PLXNA4: variants seen among roughly 807,000 people sequenced by gnomAD.
The protein encoded by PLXNA4 is plexin A4.
A neutral mutation model predicts 191.8 loss-of-function variants in PLXNA4; 44 were observed. That is an observed-to-expected ratio of 0.23 (90% CI 0.18 to 0.29). PLXNA4 has a LOEUF of 0.29. Ranked by LOEUF, PLXNA4 falls within the 10% of genes least tolerant of loss-of-function variation. The pLI, the probability that PLXNA4 is intolerant of heterozygous loss-of-function variation, is 1.00. For synonymous variants in PLXNA4, 1,082 were observed against 1,009.5 expected, an observed-to-expected ratio of 1.07 and a Z score of -1.36; for missense variants, 1,800 against 2,488.8, an observed-to-expected ratio of 0.72 and a Z score of 5.89.
intron 20 of PLXNA4, among the ~76,000 whole-genome samples, chr7:132,175,740 G>A (rs1284391698): frequency 6.6e-6 from 1 of 152,152 alleles, no homozygotes; most frequent in African/African-American, 2.4e-5. Context: ...CTGCCACAGG[G>A]GTACTCAGGG....
intron 3 of PLXNA4, among the ~76,000 whole-genome samples, chr7:132,474,728 A>G (rs902301589): frequency 5.3e-5 from 8 of 152,018 alleles, no homozygotes; most frequent in African/African-American, 1.7e-4. Flanking sequence ...GCAGAGCCCC[A>G]CCTCTGGAGA....
At chr7:132,162,646 C>A (rs1795984412) in intron 24 of PLXNA4, among the ~76,000 whole-genome samples, 1 of 151,948 alleles carries the variant, frequency 6.6e-6, no homozygotes. Context: ...AAGGGTTTTC[C>A]CCCTCTTTTC....
chr7:132,478,201 G>T (rs2117459797), intron 3 of PLXNA4, among the ~76,000 whole-genome samples: 2 of 152,314 alleles, frequency 1.3e-5, no homozygotes, highest in Middle Eastern at 3.4e-3. Context: ...CTGGATCTAA[G>T]AAAGACTCAT....
chr7:132,457,683 A>G (rs750179011), intron 3 of PLXNA4, among the ~76,000 whole-genome samples: 12 of 152,266 alleles, frequency 7.9e-5, no homozygotes, highest in Non-Finnish European at 1.2e-4. Flanking sequence ...ACCCTAAATT[A>G]TCTGGTAGGT....
At chr7:132,641,775 A>G (rs955884930) in intron 2 of PLXNA4, among the ~76,000 whole-genome samples, 1 of 152,108 alleles carries the variant, frequency 6.6e-6, no homozygotes, top group Non-Finnish European at 1.5e-5. Flanking sequence ...TATAAACTAA[A>G]CCCCAGATAT....
At position 132,394,042 on chromosome 7, in the gene PLXNA4, T is replaced by C. The variant is rs61374025; in HGVS notation, c.1371+95250A>G. ...CTCTGCCTGACCTTCCCCAATCCTC[T>C]GACAGCCTGGGAGTTTGCCTGGCTA... On this transcript the variant is annotated intron_variant, in intron 3 of 31. Coordinates refer to ENST00000321063, the MANE Select transcript of PLXNA4 (RefSeq NM_020911.2). Among the ~76,000 whole-genome samples, 1,323 of 151,478 alleles carry C rather than the reference T, an allele frequency of 8.7e-3. 25 individuals carry two copies. The highest frequency in any genetic ancestry group is 0.031 in the African/African-American group (1,268 of 41,236).
In PLXNA4 at chr7:132,508,455, A is replaced by T. The variant is rs1798574946; in HGVS notation, c.239T>A (p.Val80Asp). 1 of 1,614,026 alleles carries T rather than the reference A, an allele frequency of 6.2e-7. No homozygotes were observed. Among genetic ancestry groups the T allele is most frequent in the Non-Finnish European group, 8.5e-7 (1 of 1,180,036 alleles). Residue 80 changes from valine (V) to aspartate (D), a missense_variant, in exon 2 of 32, where the codon GTC (valine) becomes GAC (aspartate). By Grantham distance (152) the Val-to-Asp change is radical. This residue lies in a region of PLXNA4 where 1,397 missense variants were observed against 1,880.4 expected (regional missense o/e 0.74). Coordinates refer to ENST00000321063, the MANE Select transcript of PLXNA4 (RefSeq NM_020911.2). The surrounding 1 kb of genome is among the most constrained non-coding windows in gnomAD (Gnocchi z 4.4). Reference sequence around the variant, plus strand: ...CGGCCCTGTCTCATGCGTCACCAAGACCTTCAGGTCGCTGGAGAGCTTGTA... The same window carrying T: ...CGGCCCTGTCTCATGCGTCACCAAGTCCTTCAGGTCGCTGGAGAGCTTGTA... Reference protein sequence around the residue: ...RIYKLSSDLKVLVTHETGPDE... With the variant: ...RIYKLSSDLKDLVTHETGPDE...
intron 1 of PLXNA4, among the ~76,000 whole-genome samples, chr7:132,512,477 C>T (rs1798759412): frequency 6.6e-6 from 1 of 152,154 alleles, no homozygotes; most frequent in Non-Finnish European, 1.5e-5. Context: ...GATTACTACA[C>T]CCAGAGAGGA....
At chr7:132,483,083 C>T (rs1299680737) in intron 3 of PLXNA4, among the ~76,000 whole-genome samples, 1 of 152,138 alleles carries the variant, frequency 6.6e-6, no homozygotes, top group East Asian at 1.9e-4. Context: ...AATAAGCAAG[C>T]CCAGTGGACA....
At chr7:132,385,114 C>G in intron 3 of PLXNA4, 1 of 1,583,920 alleles carries the variant, frequency 6.3e-7, no homozygotes, top group Non-Finnish European at 8.6e-7. Context: ...GTAGATGTGT[C>G]TCATCTGTTT....
Position 132,259,821 on chromosome 7 carries a change from A to G in PLXNA4, c.1504-18655T>C, listed in dbSNP as rs952142517. Among the ~76,000 whole-genome samples the G allele has an allele frequency of 3.9e-5, 6 of 152,350 alleles. No individual in the cohort carries two copies. The South Asian group carries it at 1.2e-3, about 32-fold the overall frequency. On this transcript the variant is annotated intron_variant, in intron 4 of 31. Transcript: ENST00000321063. ...AGAAGGAATGAGCTATCAAGCCATGAGGAGATATGGAGGAACCTAAAATGC... is the reference window on the plus strand; with the variant it reads ...AGAAGGAATGAGCTATCAAGCCATGGGGAGATATGGAGGAACCTAAAATGC...
chr7:132,140,534 T>C, intron 30 of PLXNA4, 65 bp downstream of exon 30: 1 of 1,583,224 alleles, frequency 6.3e-7, no homozygotes, highest in Non-Finnish European at 8.6e-7. Flanking sequence ...GGAGGGGACC[T>C]TTTGTTGAGG....
intron 3 of PLXNA4, among the ~76,000 whole-genome samples, chr7:132,451,888 C>T (rs1250743296): frequency 1.3e-5 from 2 of 152,208 alleles, no homozygotes; most frequent in Admixed American, 6.5e-5. Flanking sequence ...TGACAGCCAA[C>T]GATTCCCATC....
chr7:132,166,655 A>T (rs1263539787), intron 22 of PLXNA4, among the ~76,000 whole-genome samples: 2 of 151,910 alleles, frequency 1.3e-5, no homozygotes, highest in Admixed American at 1.3e-4. Flanking sequence ...GGGCAAGAAG[A>T]AGAAAAGGAA....
chr7:132,164,971 C>T (rs1165829799), intron 23 of PLXNA4, among the ~76,000 whole-genome samples, 163 bp downstream of exon 23: 3 of 152,198 alleles, frequency 2.0e-5, no homozygotes, highest in Admixed American at 6.5e-5. Context: ...GACTGCAGGC[C>T]TCTGTCTTCC....
intron 14 of PLXNA4, among the ~76,000 whole-genome samples, chr7:132,189,197 G>A (rs1584818171): frequency 6.6e-6 from 1 of 152,060 alleles, no homozygotes; most frequent in East Asian, 1.9e-4. Flanking sequence ...AGGGGTAGAA[G>A]TGAGTAATCC....
intron 3 of PLXNA4, among the ~76,000 whole-genome samples, chr7:132,445,157 G>GAAAAAAAAAAAAA (rs71529762): frequency 1.9e-5 from 1 of 53,800 alleles, no homozygotes; most frequent in East Asian, 7.4e-4. Flanking sequence ...TCCATCTCAG[G>GAAAAAAAAAAAAA]AAAAAAAAAA....
chr7:132,180,864 T>G, intron 18 of PLXNA4, 132 bp from the exon 19 acceptor site: 1 of 1,408,592 alleles, frequency 7.1e-7, no homozygotes, highest in Non-Finnish European at 9.5e-7. Flanking sequence ...TGGTAATAAG[T>G]GCAAAAAATA....
In PLXNA4 at chr7:132,467,851, A is replaced by T. The variant is rs1318676066; in HGVS notation, c.1371+21441T>A. Among the ~76,000 whole-genome samples, 14 of 152,328 alleles carry T rather than the reference A, an allele frequency of 9.2e-5. No homozygotes were observed. In the South Asian group the frequency reaches 1.7e-3, roughly 18 times the overall value. ...CTGGATGGCAGCACTACCGAGGAACACACTTCTTGGCTGTGGGATCCTTTT... is the reference window on the plus strand; with the variant it reads ...CTGGATGGCAGCACTACCGAGGAACTCACTTCTTGGCTGTGGGATCCTTTT... On this transcript the variant is annotated intron_variant, in intron 3 of 31. Transcript: ENST00000321063.
Sources: gnomAD v4.1 joint callset for allele counts (sites outside exome capture counted in the v4.1 genomes callset) on GRCh38, gnomAD v4.1.1 for gene constraint, gnomAD v4.1.1 regional missense constraint, Gnocchi (gnomAD v3.1) non-coding constraint, MANE v1.5 for transcripts, NCBI Gene and HGNC (gene_info 2026-07-23, HGNC 2026-07-21) for gene names.